The following UBE4B variants were observed in gnomAD, a reference collection of about 807,000 sequenced individuals.
UBE4B encodes the protein ubiquitination factor E4B, also known as ubiquitin conjugation factor E4 B.
A neutral mutation model predicts 148.1 loss-of-function variants in UBE4B; 27 were observed. That is an observed-to-expected ratio of 0.18 (90% CI 0.13 to 0.25). UBE4B has a LOEUF of 0.25. Among genes scored for constraint, UBE4B ranks in the 10% least tolerant of loss-of-function variants. UBE4B has a pLI of 1.00. For synonymous variants in UBE4B, 596 were observed against 619.3 expected, an observed-to-expected ratio of 0.96 and a Z score of 0.56; for missense variants, 1,170 against 1,662.4, an observed-to-expected ratio of 0.70 and a Z score of 5.15.
intron 25 of UBE4B, 76 bp downstream of exon 25, chr1:10,171,405 C>T (rs12092513): frequency 0.1 from 159,906 of 1,524,914 alleles, 16,319 homozygotes; most frequent in African/African-American, 0.54. Context: ...CCAGGGAACT[C>T]GTCTGGTGTA....
chr1:10,165,398 C>T (rs1025343571), intron 23 of UBE4B, among the ~76,000 whole-genome samples: 1 of 152,146 alleles, frequency 6.6e-6, no homozygotes, highest in Non-Finnish European at 1.5e-5. Context: ...TGGGTTATTG[C>T]AGTAGCCCAC....
In UBE4B at chr1:10,106,281, T is replaced by C. The variant is rs1645107094; in HGVS notation, c.894T>C (p.Arg298=). The change falls in exon 7 of 28, where the codon CGT becomes CGC. Residue 298 remains arginine, a synonymous_variant. Transcript: ENST00000343090. This position sits in a 1 kb window ranked among gnomAD's most constrained non-coding sequence, Gnocchi z 4.2. ...GCCCGTCTCTTGCCTCACCTTCCCG[T>C]GCAGCCAGCCAGTTGGCTGTGCCTT... The part of the protein sequence containing the change: ...VMGPSLASPS[R]AASQLAVPST... The C allele has an allele frequency of 6.2e-7, 1 of 1,614,064 alleles. No homozygotes were observed.
chr1:10,147,990 G>A (rs1645902631), intron 19 of UBE4B, among the ~76,000 whole-genome samples: 1 of 152,220 alleles, frequency 6.6e-6, no homozygotes, highest in South Asian at 2.1e-4. Context: ...CACTTTGGGA[G>A]GCCAGGGCGG....
In UBE4B at chr1:10,180,084, C is replaced by A; in HGVS notation, c.*128C>A. The A allele has an allele frequency of 1.7e-6, 2 of 1,159,116 alleles. No homozygotes were observed. The highest frequency in any genetic ancestry group is 2.5e-6 in the Non-Finnish European group (2 of 802,186). 71.8% of individuals were successfully genotyped at this position (1,159,116 alleles called of 1,614,324 possible). On this transcript the variant is annotated 3_prime_UTR_variant, in exon 28 of 28. Coordinates refer to ENST00000343090, the MANE Select transcript of UBE4B (RefSeq NM_001105562.3). ...GTGGCAAACCAACCCCAGGCCCACC[C>A]AGAGCGAGCAAACGCTGAGACCTGA...
chr1:10,167,472 A>G (rs865928716), intron 23 of UBE4B, among the ~76,000 whole-genome samples: 1 of 148,496 alleles, frequency 6.7e-6, no homozygotes, highest in Non-Finnish European at 1.5e-5. Context: ...TAATAATAAT[A>G]ATGACTAAGT....
At chr1:10,058,125 C>A (rs932191648) in intron 1 of UBE4B, among the ~76,000 whole-genome samples, 2 of 152,136 alleles carry the variant, frequency 1.3e-5, no homozygotes, top group Non-Finnish European at 2.9e-5. Context: ...TGAGCTGTAG[C>A]GGAGTGCTTG....
At chr1:10,047,854 A>G (rs1478590008) in intron 1 of UBE4B, among the ~76,000 whole-genome samples, 1 of 152,066 alleles carries the variant, frequency 6.6e-6, no homozygotes, top group African/African-American at 2.4e-5. Context: ...TCAAATGCAA[A>G]CATGGTTGAA....
chr1:10,132,757 T>C (rs934853704), intron 15 of UBE4B, among the ~76,000 whole-genome samples: 1 of 152,032 alleles, frequency 6.6e-6, no homozygotes, highest in Non-Finnish European at 1.5e-5. Context: ...CTGAAGGTGA[T>C]TTTTGATTGG....
In UBE4B at chr1:10,105,440, AGCTG is replaced by A; in HGVS notation, c.581-72_581-69del. On this transcript the variant is annotated intron_variant, in intron 5 of 27. Transcript: ENST00000343090. ...ATACTGCATCGAACCATTTGGGGTC[AGCTG>A]GCTTATTCAAGGGCTGTGTAACCTG... is the stretch of plus-strand genomic sequence containing the variant. 3 of 1,306,352 alleles carry A rather than the reference AGCTG, an allele frequency of 2.3e-6. No individual in the cohort carries two copies. The Admixed American group carries it at 5.1e-5, about 22-fold the overall frequency. 80.9% of individuals were successfully genotyped at this position (1,306,352 alleles called of 1,614,324 possible).
chr1:10,135,752 C>T (rs1208370982), intron 16 of UBE4B, among the ~76,000 whole-genome samples: 3 of 89,278 alleles, frequency 3.4e-5, no homozygotes, highest in Non-Finnish European at 7.1e-5. Context: ...AAAAAAAAAA[C>T]AGATACAAAT....
At chr1:10,087,073 C>G (rs1288812442) in intron 2 of UBE4B, among the ~76,000 whole-genome samples, 1 of 152,154 alleles carries the variant, frequency 6.6e-6, no homozygotes, top group East Asian at 1.9e-4. Flanking sequence ...GGAGTTTGCC[C>G]TGATTTCTCA....
Position 10,106,110 on chromosome 1 carries a change from A to G in UBE4B, c.810-87A>G. 7.0e-7 allele frequency: 1 copy of G among 1,428,662 alleles called. No individual in the cohort carries two copies. The highest frequency in any genetic ancestry group is 9.4e-7 in the Non-Finnish European group (1 of 1,060,464). The allele number at this position is 1,428,662 out of a possible 1,614,324, so 88.5% of individuals were successfully genotyped here. ...ACTTGAACTGAAATGATTCTCCTTT[A>G]AAAGCTTGATATTTTCTGTTTTAGT... On this transcript the variant is annotated intron_variant, in intron 6 of 27. Transcript: ENST00000343090. This position sits in a 1 kb window ranked among gnomAD's most constrained non-coding sequence, Gnocchi z 4.2.
Position 10,094,435 on chromosome 1 carries a change from C to CT in UBE4B, c.212-1009dup, listed in dbSNP as rs770919627. Among the ~76,000 whole-genome samples the CT allele has an allele frequency of 2.6e-3, 365 of 138,762 alleles. 1 individual carries two copies. The highest frequency in any genetic ancestry group is 7.5e-3 in the Middle Eastern group (2 of 266). 91.0% of individuals were successfully genotyped at this position (138,762 alleles called of 152,430 possible). ...CTCACCATCTAGATTCTATCATTAACTTTTTTTTTTTTTTTTTAGACGGAG... is the reference window on the plus strand; with the variant it reads ...CTCACCATCTAGATTCTATCATTAACTTTTTTTTTTTTTTTTTTAGACGGAG... On this transcript the variant is annotated intron_variant, in intron 2 of 27. Transcript: ENST00000343090.
chr1:10,138,208 C>T (rs1645725841), intron 17 of UBE4B, among the ~76,000 whole-genome samples: 3 of 151,838 alleles, frequency 2.0e-5, no homozygotes, highest in African/African-American at 7.3e-5. Flanking sequence ...AGCAATTCTC[C>T]TGTCTCAGTC....
At chr1:10,090,447 G>A (rs1644829320) in intron 2 of UBE4B, among the ~76,000 whole-genome samples, 1 of 152,094 alleles carries the variant, frequency 6.6e-6, no homozygotes, top group African/African-American at 2.4e-5. Flanking sequence ...TCTTTGCTCT[G>A]TTTCTAACAG....
At chr1:10,165,697 A>G (rs1320075122) in intron 23 of UBE4B, among the ~76,000 whole-genome samples, 1 of 151,782 alleles carries the variant, frequency 6.6e-6, no homozygotes, top group Non-Finnish European at 1.5e-5. Context: ...TCTTCCCCCT[A>G]CCTGGAATGC....
intron 2 of UBE4B, among the ~76,000 whole-genome samples, chr1:10,083,342 C>T (rs1005611789): frequency 6.6e-6 from 1 of 152,144 alleles, no homozygotes. Context: ...GTGATTGATG[C>T]AAGGCAGGGC....
intron 1 of UBE4B, among the ~76,000 whole-genome samples, chr1:10,065,055 G>A (rs1570809815): frequency 6.6e-6 from 1 of 152,032 alleles, no homozygotes; most frequent in Non-Finnish European, 1.5e-5. Flanking sequence ...GAGCCACCGC[G>A]CCTGGCCCTA....
chr1:10,111,429 G>A (rs754109308), intron 7 of UBE4B, among the ~76,000 whole-genome samples: 3 of 151,952 alleles, frequency 2.0e-5, no homozygotes, highest in African/African-American at 2.4e-5. Flanking sequence ...CTGTATGGCC[G>A]GCTCCCTCAC....
Sources: allele counts gnomAD v4.1 joint callset (sites outside exome capture counted in the v4.1 genomes callset), GRCh38; gene constraint gnomAD v4.1.1; non-coding constraint Gnocchi (gnomAD v3.1); transcripts MANE v1.5; gene names NCBI Gene and HGNC (gene_info 2026-07-23, HGNC 2026-07-21).